The following VTI1A variants were observed in gnomAD, a reference collection of about 807,000 sequenced individuals.
The protein encoded by VTI1A is vesicle transport through interaction with t-SNAREs homolog 1A.
A neutral mutation model predicts 34.9 loss-of-function variants in VTI1A; 22 were observed. The observed-to-expected ratio is 0.63, with a 90% CI of 0.45 to 0.90. The LOEUF is 0.90. Among genes scored for constraint, VTI1A ranks in the 40% least tolerant of loss-of-function variants. VTI1A has a pLI of 0.00. For synonymous variants in VTI1A, 87 were observed against 97.3 expected (o/e 0.89, Z 0.62); for missense variants, 268 against 275.6 (o/e 0.97, Z 0.20).
chr10:112,689,101 T>A (rs886598875), intron 7 of VTI1A, among the ~76,000 whole-genome samples: 12 of 152,174 alleles, frequency 7.9e-5, no homozygotes, highest in Non-Finnish European at 1.6e-4. Context: ...ACCACTTGCA[T>A]GTATTAATTT....
intron 5 of VTI1A, among the ~76,000 whole-genome samples, chr10:112,626,006 A>C (rs149771226): frequency 6.6e-6 from 1 of 152,244 alleles, no homozygotes; most frequent in South Asian, 2.1e-4. Context: ...TGTCTATTCT[A>C]ATCTTTCCGT....
rs1343540831 is a variant in VTI1A, at chr10:112,610,262, G to A, written c.428-57956G>A. On this transcript the variant is annotated intron_variant, in intron 5 of 7. Coordinates refer to ENST00000393077, the MANE Select transcript of VTI1A (RefSeq NM_145206.4). The stretch of plus-strand genomic sequence containing the variant: ...CCTGTGGAAAACATGGGTGGCCCCA[G>A]GAGTGTCTGTAAGAGCTTCAAAGAA... 2.6e-5 allele frequency among the ~76,000 whole-genome samples: 4 copies of A among 151,904 alleles called. 2 individuals are homozygous for A. Among genetic ancestry groups the A allele is most frequent in the South Asian group, 4.2e-4 (2 of 4,810 alleles).
At chr10:112,530,672 A>G (rs1380874960) in intron 4 of VTI1A, among the ~76,000 whole-genome samples, 1 of 152,182 alleles carries the variant, frequency 6.6e-6, no homozygotes, top group East Asian at 1.9e-4. Context: ...TTTAGCAGAT[A>G]ATGATTGCTT....
At chr10:112,620,261 A>C (rs994814818) in intron 5 of VTI1A, among the ~76,000 whole-genome samples, 1 of 152,158 alleles carries the variant, frequency 6.6e-6, no homozygotes, top group Non-Finnish European at 1.5e-5. Flanking sequence ...TTTATTCTTT[A>C]TTTATGTGCA....
At chr10:112,491,460 G>A (rs1370055787) in intron 3 of VTI1A, among the ~76,000 whole-genome samples, 1 of 152,176 alleles carries the variant, frequency 6.6e-6, no homozygotes, top group Admixed American at 6.5e-5. Context: ...GCTCTGAGAT[G>A]TGATTCTTTT....
chr10:112,549,309 A>G (rs1276033369), intron 5 of VTI1A, among the ~76,000 whole-genome samples: 1 of 152,206 alleles, frequency 6.6e-6, no homozygotes, highest in Non-Finnish European at 1.5e-5. Flanking sequence ...AGCCCTACTG[A>G]GTGTCAGGTG....
At chr10:112,689,081 G>A (rs774593930) in intron 7 of VTI1A, among the ~76,000 whole-genome samples, 7 of 152,098 alleles carry the variant, frequency 4.6e-5, no homozygotes, top group Non-Finnish European at 1.0e-4. Flanking sequence ...TTTCTATAGT[G>A]ACCATCCAAA....
intron 5 of VTI1A, among the ~76,000 whole-genome samples, chr10:112,635,473 G>A (rs1846319465): frequency 6.6e-6 from 1 of 152,110 alleles, no homozygotes; most frequent in Non-Finnish European, 1.5e-5. Context: ...GAGTATTTAG[G>A]CCTAAATTCT....
intron 7 of VTI1A, among the ~76,000 whole-genome samples, chr10:112,709,140 A>G (rs1015215528): frequency 5.9e-5 from 9 of 151,762 alleles, no homozygotes; most frequent in Non-Finnish European, 1.3e-4. Flanking sequence ...CTCACTCACC[A>G]TCCTCCTCCC....
intron 7 of VTI1A, among the ~76,000 whole-genome samples, chr10:112,703,316 C>G (rs1000239272): frequency 6.6e-6 from 1 of 152,104 alleles, no homozygotes; most frequent in Non-Finnish European, 1.5e-5. Flanking sequence ...GCCTGTAACC[C>G]CAGCACTTTG....
intron 7 of VTI1A, among the ~76,000 whole-genome samples, chr10:112,702,114 C>G (rs1849029580): frequency 6.6e-6 from 1 of 152,124 alleles, no homozygotes; most frequent in Non-Finnish European, 1.5e-5. Context: ...TTGGGTAGGG[C>G]TGTGGGGTGC....
intron 7 of VTI1A, among the ~76,000 whole-genome samples, chr10:112,671,437 C>T (rs148307858): frequency 0.014 from 2,189 of 152,300 alleles, 16 homozygotes; most frequent in Non-Finnish European, 0.023. Context: ...CTGCATATAA[C>T]ATAAGCTTAT....
chr10:112,496,480 A>G (rs570115203), intron 3 of VTI1A, among the ~76,000 whole-genome samples: 1 of 152,144 alleles, frequency 6.6e-6, no homozygotes, highest in South Asian at 2.1e-4. Context: ...CTGAGACAGG[A>G]GAATCGCTTG....
At chr10:112,466,355 C>G (rs1266284302) in intron 3 of VTI1A, among the ~76,000 whole-genome samples, 1 of 152,064 alleles carries the variant, frequency 6.6e-6, no homozygotes, top group African/African-American at 2.4e-5. Flanking sequence ...TGGCTACTAT[C>G]TTGATAAGTT....
intron 7 of VTI1A, among the ~76,000 whole-genome samples, chr10:112,673,259 C>T (rs939968063): frequency 1.3e-5 from 2 of 149,242 alleles, no homozygotes; most frequent in Non-Finnish European, 3.0e-5. Flanking sequence ...AAGGTTGCAG[C>T]GAGCCGAGGT....
chr10:112,660,817 T>G (rs1847418731), intron 5 of VTI1A, among the ~76,000 whole-genome samples: 1 of 152,320 alleles, frequency 6.6e-6, no homozygotes, highest in African/African-American at 2.4e-5. Flanking sequence ...TATGCTACTT[T>G]ACATAAAACT....
At chr10:112,845,133 C>T in the VTI1A span, among the ~76,000 whole-genome samples, 2 of 152,198 alleles carry the variant, frequency 1.3e-5, no homozygotes, top group African/African-American at 4.8e-5. Flanking sequence ...GGTGTGAGGC[C>T]TGGGAGGGCG....
intron 7 of VTI1A, among the ~76,000 whole-genome samples, chr10:112,680,828 A>G (rs1003688026): frequency 6.6e-6 from 1 of 152,144 alleles, no homozygotes; most frequent in African/African-American, 2.4e-5. Flanking sequence ...CTTAACCCAC[A>G]TATGGCATTA....
intron 7 of VTI1A, among the ~76,000 whole-genome samples, chr10:112,757,350 G>GTTTTT (rs1477348323): frequency 3.0e-5 from 2 of 66,526 alleles, no homozygotes; most frequent in South Asian, 4.5e-4. Context: ...TTGTTGCTGT[G>GTTTTT]ATTTTTTTTT....
Sources: gnomAD v4.1 joint callset for allele counts (sites outside exome capture counted in the v4.1 genomes callset) on GRCh38, gnomAD v4.1.1 for gene constraint, MANE v1.5 for transcripts, NCBI Gene and HGNC (gene_info 2026-07-23, HGNC 2026-07-21) for gene names.